Variants in STXBP5L observed in about 807,000 individuals in gnomAD.
STXBP5L encodes syntaxin-binding protein 5-like.
A neutral mutation model predicts 144.5 loss-of-function variants in STXBP5L; 65 were observed. The observed-to-expected ratio is 0.45, with a 90% CI of 0.37 to 0.55. The LOEUF is 0.55. STXBP5L is among the 20% of genes least tolerant of loss of function. STXBP5L has a pLI of 0.00. For missense variants in STXBP5L, 1,298 were observed against 1,405.5 expected (o/e 0.92, Z 1.22); for synonymous variants, 505 against 469.6 (o/e 1.08, Z -0.97).
intron 9 of STXBP5L, among the ~76,000 whole-genome samples, chr3:121,176,286 T>G (rs1373060558): frequency 6.6e-6 from 1 of 151,720 alleles, no homozygotes; most frequent in African/African-American, 2.4e-5. Context: ...CTAATCCAAA[T>G]GGATTAGAAA....
intron 9 of STXBP5L, among the ~76,000 whole-genome samples, chr3:121,189,698 A>T (rs1448635036): frequency 6.6e-6 from 1 of 152,192 alleles, no homozygotes; most frequent in Non-Finnish European, 1.5e-5. Flanking sequence ...ATGTCTTGAC[A>T]ATGCGGGCTT....
At chr3:121,146,163 G>A (rs1031271291) in intron 7 of STXBP5L, among the ~76,000 whole-genome samples, 1 of 151,924 alleles carries the variant, frequency 6.6e-6, no homozygotes, top group East Asian at 1.9e-4. Context: ...TTCTAATCCT[G>A]CATAATTACA....
At chr3:121,098,447 C>T (rs1454780599) in intron 5 of STXBP5L, among the ~76,000 whole-genome samples, 4 of 152,162 alleles carry the variant, frequency 2.6e-5, no homozygotes, top group African/African-American at 9.7e-5. Context: ...GAAGACAGTA[C>T]CATGCCATGG....
At chr3:121,246,110 G>T (rs1304632409) in intron 14 of STXBP5L, among the ~76,000 whole-genome samples, 1 of 152,156 alleles carries the variant, frequency 6.6e-6, no homozygotes, top group Non-Finnish European at 1.5e-5. Flanking sequence ...CACAGCAGGA[G>T]GTAAGTGGCA....
chr3:121,092,934 G>C (rs756364967), intron 5 of STXBP5L, among the ~76,000 whole-genome samples: 2 of 152,166 alleles, frequency 1.3e-5, no homozygotes, highest in Non-Finnish European at 1.5e-5. Flanking sequence ...TTATTGTTTT[G>C]AGATATGTCC....
At chr3:121,087,926 T>C (rs1045785393) in intron 5 of STXBP5L, among the ~76,000 whole-genome samples, 1 of 152,156 alleles carries the variant, frequency 6.6e-6, no homozygotes, top group Non-Finnish European at 1.5e-5. Flanking sequence ...TTGAATGAAA[T>C]GCAGAGACTT....
rs148446235 is a variant in STXBP5L at position 121,263,166 on chromosome 3, C to T, written c.1958+3998C>T. On this transcript the variant is annotated intron_variant, in intron 18 of 26. Coordinates refer to ENST00000471454, the MANE Select transcript of STXBP5L (RefSeq NM_001308330.2). ...GTTCTGCTGCCTCCACTAGTGATAC[C>T]CAGGCAAACAGGTTCTGGAGTGGAC... 9.2e-5 allele frequency among the ~76,000 whole-genome samples: 14 copies of T among 152,272 alleles called. 1 individual carries two copies. In the East Asian group the frequency reaches 1.2e-3, roughly 13 times the overall value.
At chr3:121,141,089 A>G (rs2045481912) in intron 7 of STXBP5L, among the ~76,000 whole-genome samples, 1 of 152,210 alleles carries the variant, frequency 6.6e-6, no homozygotes. Flanking sequence ...TATGTTAAAC[A>G]GCAATGCAAT....
chr3:120,997,456 A>G (rs1020139414), intron 3 of STXBP5L, among the ~76,000 whole-genome samples: 1 of 152,032 alleles, frequency 6.6e-6, no homozygotes, highest in African/African-American at 2.4e-5. Flanking sequence ...AATATCTGTT[A>G]TTTTTTGACT....
intron 7 of STXBP5L, among the ~76,000 whole-genome samples, chr3:121,137,428 C>T (rs28832926): frequency 0.02 from 3,076 of 152,002 alleles, 94 homozygotes; most frequent in African/African-American, 0.068. Context: ...GATTGGAAAG[C>T]CTAGAAGAAA....
At chr3:121,132,304 AG>A (rs2045028836) in intron 7 of STXBP5L, among the ~76,000 whole-genome samples, 1 of 152,194 alleles carries the variant, frequency 6.6e-6, no homozygotes, top group Non-Finnish European at 1.5e-5. Flanking sequence ...GGGTGCCAAA[AG>A]AACTAGCACA....
intron 20 of STXBP5L, among the ~76,000 whole-genome samples, chr3:121,361,019 T>C (rs1403116219): frequency 6.6e-6 from 1 of 152,136 alleles, no homozygotes; most frequent in Non-Finnish European, 1.5e-5. Flanking sequence ...TCTAGGAAAG[T>C]CTTTATTAGT....
intron 14 of STXBP5L, among the ~76,000 whole-genome samples, chr3:121,243,253 T>C (rs562956302): frequency 2.0e-4 from 31 of 152,252 alleles, no homozygotes; most frequent in African/African-American, 7.0e-4. Context: ...CAGTGGCTTG[T>C]AGCATCAGAG....
At chr3:121,094,979 ATCTC>A (rs1698081105) in intron 5 of STXBP5L, among the ~76,000 whole-genome samples, 1 of 150,184 alleles carries the variant, frequency 6.7e-6, no homozygotes, top group African/African-American at 2.5e-5. Context: ...TGGTGACAAA[ATCTC>A]TCAGCATTTG....
In STXBP5L at chr3:121,360,815, G is replaced by A. The variant is rs537471321; in HGVS notation, c.2177-17901G>A. Among the ~76,000 whole-genome samples, 19 of 152,178 alleles carry A rather than the reference G, an allele frequency of 1.2e-4. 1 individual carries two copies. The South Asian group carries it at 3.9e-3, about 32-fold the overall frequency. ...TTTAGTCTTTCTACTTAGGATAAGAGTAGTTTACACACCACAGTTACAGTG... is the reference window on the plus strand; with the variant it reads ...TTTAGTCTTTCTACTTAGGATAAGAATAGTTTACACACCACAGTTACAGTG... On this transcript the variant is annotated intron_variant, in intron 20 of 26. Transcript: ENST00000471454.
At chr3:121,308,114 G>C (rs141590814) in intron 19 of STXBP5L, among the ~76,000 whole-genome samples, 2 of 152,152 alleles carry the variant, frequency 1.3e-5, no homozygotes, top group Admixed American at 6.6e-5. Context: ...GTTGGAGCAG[G>C]GGGAGGGAGA....
chr3:121,340,489 A>AC (rs1443959600), intron 20 of STXBP5L, among the ~76,000 whole-genome samples: 4 of 34,200 alleles, frequency 1.2e-4, no homozygotes, highest in African/African-American at 4.9e-4. Flanking sequence ...CCAGCCTCCC[A>AC]CCCCCCGACA....
At chr3:120,965,553 A>G (rs1030083332) in intron 3 of STXBP5L, among the ~76,000 whole-genome samples, 3 of 152,202 alleles carry the variant, frequency 2.0e-5, no homozygotes, top group African/African-American at 7.2e-5. Flanking sequence ...TTGGCTGGAT[A>G]TGATATTCTC....
chr3:121,279,939 A>G lies in STXBP5L; in HGVS notation c.2093A>G (p.Asn698Ser), dbSNP rs774030165. ...CGACAACCACGGTCTCCTCGAAAAA[A>G]CAAACAGTTCATTGCAGGTAGGAGA... ...YQRQPRSPRK[N>S]KQFIAGLTEL... Residue 698 changes from asparagine to serine, a missense_variant, in exon 19 of 27, where the codon AAC (asparagine) becomes AGC (serine). Transcript: ENST00000471454. The G allele has an allele frequency of 8.1e-6, 13 of 1,612,074 alleles. No individual in the cohort carries two copies. In the African/African-American group the frequency reaches 1.6e-4, roughly 20 times the overall value.
Sources: gnomAD v4.1 joint callset for allele counts (sites outside exome capture counted in the v4.1 genomes callset) on GRCh38, gnomAD v4.1.1 for gene constraint, MANE v1.5 for transcripts, NCBI Gene and HGNC (gene_info 2026-07-23, HGNC 2026-07-21) for gene names.